NTN1: variants seen among roughly 807,000 people sequenced by gnomAD.
NTN1 encodes netrin-1.
NTN1 carries 11 observed loss-of-function variants against 54.2 expected under a neutral mutation model. The observed-to-expected ratio is 0.20, with a 90% CI of 0.13 to 0.34. The LOEUF is 0.34. Ranked by LOEUF, NTN1 falls within the 10% of genes least tolerant of loss-of-function variation. The pLI is 1.00. For missense variants in NTN1, 740 were observed against 893.1 expected (o/e 0.83, Z 2.18); for synonymous variants, 371 against 382.0 (o/e 0.97, Z 0.33).
chr17:9,223,585 G>GC (rs1283633835), intron 6 of NTN1, among the ~76,000 whole-genome samples: 1 of 152,044 alleles, frequency 6.6e-6, no homozygotes, highest in Non-Finnish European at 1.5e-5. Flanking sequence ...AGCTCATATG[G>GC]CCCCGGAGCT....
At chr17:9,013,365 C>T in the NTN1 span, among the ~76,000 whole-genome samples, 16 of 151,824 alleles carry the variant, frequency 1.1e-4, no homozygotes, top group South Asian at 4.2e-4. Flanking sequence ...TACAGGCATG[C>T]GCCACCACAC....
chr17:9,179,808 C>G lies in NTN1; in HGVS notation c.1209C>G (p.Ala403=), dbSNP rs745492965. ...CCTCCCATTTTGTGTTCTCTGCAGC[C>G]TGTGATTGCCACCCTGTGGGTGCTG... ...KPITHRKACK[A]CDCHPVGAAG... is the part of the protein sequence containing the mutation. Residue 403 remains alanine (A), a splice_region_variant and synonymous_variant, in exon 4 of 7, where the codon GCC becomes GCG. Coordinates refer to ENST00000173229, the MANE Select transcript of NTN1 (RefSeq NM_004822.3). 3 of 1,613,572 alleles carry G rather than the reference C, an allele frequency of 1.9e-6. No homozygotes were observed. The South Asian group carries it at 3.3e-5, about 18-fold the overall frequency.
chr17:9,111,827 C>T (rs553800252), intron 2 of NTN1, among the ~76,000 whole-genome samples: 2 of 152,146 alleles, frequency 1.3e-5, no homozygotes, highest in Admixed American at 1.3e-4. Context: ...TCTTCATCCT[C>T]ATTGCCTTCA....
intron 6 of NTN1, among the ~76,000 whole-genome samples, chr17:9,222,178 G>C (rs1219338414): frequency 6.6e-6 from 1 of 152,226 alleles, no homozygotes; most frequent in Non-Finnish European, 1.5e-5. Context: ...GATTGAGCCT[G>C]GGGCTGGCCC....
At chr17:9,163,576 TA>T (rs1389393069) in intron 3 of NTN1, among the ~76,000 whole-genome samples, 4 of 150,262 alleles carry the variant, frequency 2.7e-5, no homozygotes, top group Non-Finnish European at 4.4e-5. Context: ...AAGGAACATT[TA>T]ATCCATCTGC....
intron 2 of NTN1, among the ~76,000 whole-genome samples, chr17:9,098,266 T>C (rs1198199591): frequency 6.6e-6 from 1 of 152,228 alleles, no homozygotes; most frequent in African/African-American, 2.4e-5. Context: ...CTCAGTTTCC[T>C]TATCAGCATC....
chr17:9,227,238 C>G (rs1905600226), intron 6 of NTN1, among the ~76,000 whole-genome samples: 1 of 139,114 alleles, frequency 7.2e-6, no homozygotes, highest in Non-Finnish European at 1.6e-5. Context: ...TCACATACAC[C>G]ATCACACACA....
chr17:9,233,345 G>A (rs1425590042), intron 6 of NTN1, among the ~76,000 whole-genome samples: 1 of 152,080 alleles, frequency 6.6e-6, no homozygotes, highest in Non-Finnish European at 1.5e-5. Context: ...GTTCCCAACA[G>A]GCAGATGAAT....
At chr17:9,166,727 G>A (rs939879079) in intron 3 of NTN1, among the ~76,000 whole-genome samples, 2 of 152,198 alleles carry the variant, frequency 1.3e-5, no homozygotes, top group Non-Finnish European at 2.9e-5. Context: ...CTTTGTTTCA[G>A]ATGAATTTCA....
Position 9,212,231 on chromosome 17 carries a change from G to T in NTN1, c.1412-8937G>T, listed in dbSNP as rs1413002387. ...GGATGAGGTGCTGTTGGTGAGGGTG[G>T]TAAGAAGGTGGTCTTACCTGGGGCA... On this transcript the variant is annotated intron_variant, in intron 5 of 6. Transcript: ENST00000173229. This position sits in a 1 kb window ranked among gnomAD's most constrained non-coding sequence, Gnocchi z 5.5. Among the ~76,000 whole-genome samples, 2 of 152,134 alleles carry T rather than the reference G, an allele frequency of 1.3e-5. No individual in the cohort carries two copies. The highest frequency in any genetic ancestry group is 2.9e-5 in the Non-Finnish European group (2 of 68,028).
intron 2 of NTN1, among the ~76,000 whole-genome samples, chr17:9,114,007 C>A (rs558876681): frequency 2.0e-5 from 3 of 150,934 alleles, no homozygotes; most frequent in African/African-American, 7.3e-5. Context: ...ACTGAAAATA[C>A]AAAAATTAGC....
At chr17:9,137,620 CT>C (rs1695555364) in intron 2 of NTN1, among the ~76,000 whole-genome samples, 1 of 152,110 alleles carries the variant, frequency 6.6e-6, no homozygotes, top group Non-Finnish European at 1.5e-5. Context: ...TGGTGAAACC[CT>C]GTCTCTACTA....
Position 9,162,217 on chromosome 17 carries a change from G to A in NTN1, c.1019-596G>A, listed in dbSNP as rs532140753. On this transcript the variant is annotated intron_variant, in intron 2 of 6. Coordinates refer to ENST00000173229, the MANE Select transcript of NTN1 (RefSeq NM_004822.3). ...TGGACGAGGGGGAGGGGGAGAAGGGGAGGCCAGGCTGGCAGCAGGGGCCTC... is the reference window on the plus strand; with the variant it reads ...TGGACGAGGGGGAGGGGGAGAAGGGAAGGCCAGGCTGGCAGCAGGGGCCTC... 2.0e-5 allele frequency among the ~76,000 whole-genome samples: 3 copies of A among 152,332 alleles called. No homozygotes were observed. The South Asian group carries it at 6.2e-4, about 32-fold the overall frequency.
intron 3 of NTN1, among the ~76,000 whole-genome samples, chr17:9,167,771 G>GA (rs1555572754): frequency 6.6e-6 from 1 of 151,940 alleles, no homozygotes; most frequent in Non-Finnish European, 1.5e-5. Flanking sequence ...CCACAGTCTT[G>GA]CCCCCTCTGT....
chr17:9,045,927 A>T (rs1431015735), intron 2 of NTN1, among the ~76,000 whole-genome samples: 1 of 152,262 alleles, frequency 6.6e-6, no homozygotes, highest in Non-Finnish European at 1.5e-5. Flanking sequence ...ACTGTATGCT[A>T]CTAAATTTTC....
At chr17:9,032,058 C>T (rs990207809) in intron 2 of NTN1, among the ~76,000 whole-genome samples, 10 of 152,102 alleles carry the variant, frequency 6.6e-5, no homozygotes, top group South Asian at 4.1e-4. Flanking sequence ...AGGCTGTGCA[C>T]GTGAGAAGGT....
intron 2 of NTN1, among the ~76,000 whole-genome samples, chr17:9,060,047 A>G (rs1597473383): frequency 6.6e-6 from 1 of 152,158 alleles, no homozygotes; most frequent in South Asian, 2.1e-4. Context: ...TATGCAAAAT[A>G]CTAGCCATTA....
chr17:9,064,929 T>C (rs2092010082), intron 2 of NTN1, among the ~76,000 whole-genome samples: 1 of 152,154 alleles, frequency 6.6e-6, no homozygotes, highest in South Asian at 2.1e-4. Context: ...CCATTCATTT[T>C]ATTTTTATTA....
At chr17:9,218,105 G>A (rs1905252678) in intron 5 of NTN1, among the ~76,000 whole-genome samples, 1 of 152,146 alleles carries the variant, frequency 6.6e-6, no homozygotes, top group African/African-American at 2.4e-5. Flanking sequence ...AGAACCATCT[G>A]GGGAACATTA....
Sources: allele counts gnomAD v4.1 joint callset (sites outside exome capture counted in the v4.1 genomes callset), GRCh38; gene constraint gnomAD v4.1.1; non-coding constraint Gnocchi (gnomAD v3.1); transcripts MANE v1.5; gene names NCBI Gene and HGNC (gene_info 2026-07-23, HGNC 2026-07-21).